The following IFT88 variants were observed in gnomAD, a reference collection of about 807,000 sequenced individuals.
IFT88 encodes intraflagellar transport 88, also known as intraflagellar transport protein 88 homolog.
A neutral mutation model predicts 119.5 loss-of-function variants in IFT88; 74 were observed. That is an observed-to-expected ratio of 0.62 (90% CI 0.51 to 0.75). IFT88 has a LOEUF of 0.75. Ranked by LOEUF, IFT88 falls within the 30% of genes least tolerant of loss-of-function variation. The pLI, the probability that IFT88 is intolerant of heterozygous loss-of-function variation, is 0.00. For synonymous variants in IFT88, 279 were observed against 316.7 expected (o/e 0.88, Z 1.26); for missense variants, 961 against 977.7 (o/e 0.98, Z 0.23).
At chr13:20,620,178 A>G (rs1293371679) in intron 14 of IFT88, among the ~76,000 whole-genome samples, 1 of 152,114 alleles carries the variant, frequency 6.6e-6, no homozygotes. Flanking sequence ...TTTTGTGTGT[A>G]GTGTGAAGTA....
At chr13:20,622,710 A>G (rs541217906) in intron 14 of IFT88, among the ~76,000 whole-genome samples, 68 of 152,268 alleles carry the variant, frequency 4.5e-4, no homozygotes, top group African/African-American at 1.6e-3. Context: ...GGAGTTTTCT[A>G]TACATTCTGG....
intron 1 of IFT88, among the ~76,000 whole-genome samples, 152 bp downstream of exon 1, chr13:20,567,408 G>A (rs2035057038): frequency 1.3e-5 from 2 of 152,350 alleles, no homozygotes; most frequent in South Asian, 4.1e-4. Context: ...GGCCCCAGAT[G>A]GACTCGGCCT....
intron 3 of IFT88, among the ~76,000 whole-genome samples, chr13:20,586,915 T>TA (rs2039781138): frequency 6.6e-6 from 1 of 152,052 alleles, no homozygotes; most frequent in Non-Finnish European, 1.5e-5. Flanking sequence ...CCATTTTTTT[T>TA]AACCTCTAAT....
intron 24 of IFT88, among the ~76,000 whole-genome samples, chr13:20,689,156 G>A (rs1265368954): frequency 1.3e-5 from 2 of 152,068 alleles, no homozygotes. Flanking sequence ...CTGGCCCCGA[G>A]CTCCTGACCT....
intron 22 of IFT88, among the ~76,000 whole-genome samples, chr13:20,661,568 T>C (rs753188287): frequency 3.7e-4 from 57 of 152,146 alleles, no homozygotes; most frequent in South Asian, 3.1e-3. Flanking sequence ...CCCTTGTCTC[T>C]ACTAAAAATA....
chr13:20,616,992 G>A (rs1177794285), intron 14 of IFT88, among the ~76,000 whole-genome samples: 1 of 151,946 alleles, frequency 6.6e-6, no homozygotes, highest in Non-Finnish European at 1.5e-5. Context: ...CTCCCAGGCT[G>A]GAGTGCAGTG....
chr13:20,572,166 A>G (rs761064770), intron 1 of IFT88, among the ~76,000 whole-genome samples: 1 of 151,900 alleles, frequency 6.6e-6, no homozygotes, highest in African/African-American at 2.4e-5. Flanking sequence ...ACCTTTTTCT[A>G]TAGCTGCTTT....
intron 14 of IFT88, among the ~76,000 whole-genome samples, chr13:20,618,605 A>G (rs1425089985): frequency 2.0e-5 from 3 of 152,166 alleles, no homozygotes; most frequent in Non-Finnish European, 2.9e-5. Flanking sequence ...TAGTTCTTGA[A>G]TGCCACTGAC....
chr13:20,644,789 A>T (rs2140354865), intron 19 of IFT88, 54 bp from the exon 20 acceptor site: 1 of 776,390 alleles, frequency 1.3e-6, no homozygotes, highest in Non-Finnish European at 2.2e-6. Flanking sequence ...TTCAAGAAGT[A>T]AATTATATGT....
intron 14 of IFT88, among the ~76,000 whole-genome samples, chr13:20,621,904 T>C (rs2046581362): frequency 6.6e-6 from 1 of 152,136 alleles, no homozygotes; most frequent in South Asian, 2.1e-4. Flanking sequence ...CATCCCTCCC[T>C]CTCCCAAACC....
chr13:20,591,039 T>G lies in IFT88; in HGVS notation c.264+19T>G, dbSNP rs763240658. 1 of 1,575,182 alleles carries G rather than the reference T, an allele frequency of 6.3e-7. No homozygotes were observed. Among genetic ancestry groups the G allele is most frequent in the Non-Finnish European group, 8.7e-7 (1 of 1,153,672 alleles). ...TATTCAGGTATCTCTATTGGATGCA[T>G]GTTCATTTTGTGCCTTTCTTGTGAC... On this transcript the variant is annotated intron_variant, in intron 5 of 25. Transcript: ENST00000351808.
intron 10 of IFT88, 46 bp from the exon 11 acceptor site, chr13:20,599,405 T>A: frequency 1.5e-6 from 1 of 654,430 alleles, no homozygotes; most frequent in South Asian, 2.1e-5. Context: ...TATCAAAGAG[T>A]GGAAAAATGA....
At chr13:20,643,830 T>A (rs1435767263) in intron 19 of IFT88, among the ~76,000 whole-genome samples, 2 of 152,220 alleles carry the variant, frequency 1.3e-5, no homozygotes, top group Non-Finnish European at 2.9e-5. Context: ...CTCGGCTCAC[T>A]GCAGCCTCCT....
rs180945742 is a variant in IFT88 at position 20,673,986 on chromosome 13, C to T, written c.2242+2947C>T. ...TTCCCCCATCATTTGCCTTTTCGTT[C>T]CTTATTTTCTGACATCTCGAGTTAT... On this transcript the variant is annotated intron_variant, in intron 24 of 25. Coordinates refer to ENST00000351808, the MANE Select transcript of IFT88 (RefSeq NM_006531.5). Among the ~76,000 whole-genome samples the T allele has an allele frequency of 2.0e-3, 299 of 152,306 alleles. 1 individual carries two copies. Among genetic ancestry groups the T allele is most frequent in the Non-Finnish European group, 2.7e-3 (184 of 68,038 alleles).
chr13:20,613,414 A>G (rs202238017), intron 13 of IFT88, among the ~76,000 whole-genome samples: 2 of 93,676 alleles, frequency 2.1e-5, no homozygotes, highest in African/African-American at 3.2e-5. Context: ...CTAGTATGCT[A>G]TAATAAAAAA....
At position 20,601,609 on chromosome 13, in the gene IFT88, A is replaced by C. The variant is rs2042601179; in HGVS notation, c.813-96A>C. The C allele has an allele frequency of 4.3e-6, 3 of 701,014 alleles. No individual in the cohort carries two copies. The Admixed American group carries it at 9.1e-5, about 21-fold the overall frequency. The allele number at this position is 701,014 out of a possible 1,614,324, so 43.4% of individuals were successfully genotyped here. On this transcript the variant is annotated intron_variant, in intron 11 of 25. Transcript: ENST00000351808. Reference sequence around the variant, plus strand: ...CTTTAACAAAACAAAAACGAAGTAAAGTGGGAGACGAAAAAAGAAAACTAT... The same window carrying C: ...CTTTAACAAAACAAAAACGAAGTAACGTGGGAGACGAAAAAAGAAAACTAT...
intron 24 of IFT88, among the ~76,000 whole-genome samples, chr13:20,687,020 AC>A (rs1486911409): frequency 9.2e-6 from 1 of 109,194 alleles, no homozygotes; most frequent in Admixed American, 9.5e-5. Flanking sequence ...TCACTTTCTT[AC>A]CAAAAAAAAA....
chr13:20,659,347 A>G (rs548434957), intron 22 of IFT88, among the ~76,000 whole-genome samples: 71 of 152,284 alleles, frequency 4.7e-4, no homozygotes, highest in African/African-American at 1.7e-3. Flanking sequence ...TGAAAAAAAT[A>G]TCAGGGCATG....
chr13:20,596,321 C>G, intron 8 of IFT88, 81 bp downstream of exon 8: 1 of 507,806 alleles, frequency 2.0e-6, no homozygotes, highest in Non-Finnish European at 3.4e-6. Context: ...TATGTATAGA[C>G]AAATATTTTT....
Sources: gnomAD v4.1 joint callset for allele counts (sites outside exome capture counted in the v4.1 genomes callset) on GRCh38, gnomAD v4.1.1 for gene constraint, MANE v1.5 for transcripts, NCBI Gene and HGNC (gene_info 2026-07-23, HGNC 2026-07-21) for gene names.